The following CFAP70 variants were observed in gnomAD, a reference collection of about 807,000 sequenced individuals.
The protein encoded by CFAP70 is cilia- and flagella-associated protein 70.
Under a neutral mutation model 137.6 loss-of-function variants are expected in CFAP70, and 81 were observed. That is an observed-to-expected ratio of 0.59 (90% CI 0.49 to 0.71). CFAP70 has a LOEUF of 0.71. Among genes scored for constraint, CFAP70 ranks in the 30% least tolerant of loss-of-function variants. The pLI, the probability that CFAP70 is intolerant of heterozygous loss-of-function variation, is 0.00. For synonymous variants in CFAP70, 382 were observed against 423.6 expected, an observed-to-expected ratio of 0.90 and a Z score of 1.20; for missense variants, 976 against 1,226.7, an observed-to-expected ratio of 0.80 and a Z score of 3.05.
At position 73,256,902 on chromosome 10, in the gene CFAP70, CA is replaced by C. The variant is rs55805225; in HGVS notation, c.3028-487del. Among the ~76,000 whole-genome samples, 411 of 58,318 alleles carry C rather than the reference CA, an allele frequency of 7.0e-3. 1 individual carries two copies. The highest frequency in any genetic ancestry group is 0.014 in the African/African-American group (241 of 16,868). The allele number at this position is 58,318 out of a possible 152,430, so 38.3% of individuals were successfully genotyped here. On this transcript the variant is annotated intron_variant, in intron 25 of 26. Coordinates refer to ENST00000310715, the Ensembl canonical transcript of CFAP70. Reference sequence around the variant, plus strand: ...TGGGCAACAGAGTGAGACTCCATCTCAAAAAAAAAAAAAAAAAAAAAAAGGA... The same window carrying C: ...TGGGCAACAGAGTGAGACTCCATCTCAAAAAAAAAAAAAAAAAAAAAAGGA...
intron 24 of CFAP70, chr10:73,272,702 C>T: frequency 1.6e-6 from 1 of 614,766 alleles, no homozygotes; most frequent in Admixed American, 2.5e-5. Context: ...TATTATGTAG[C>T]TTCTTGGTTC....
chr10:73,288,940 AAGCAACC>A (rs1382620522), intron 19 of CFAP70, among the ~76,000 whole-genome samples: 3 of 152,220 alleles, frequency 2.0e-5, no homozygotes, highest in African/African-American at 7.2e-5. Flanking sequence ...TTTACCTGCA[AAGCAACC>A]AGCTGCATTC....
rs550478150 is a variant in CFAP70 at position 73,297,735 on chromosome 10, C to T, written c.1513-562G>A. ...TATAAACACAGCATGTTGCTATAGC[C>T]AGGACAGCTTCTCCTTTTTTCCCCA... is the stretch of plus-strand genomic sequence containing the variant. On this transcript the variant is annotated intron_variant, in intron 14 of 26. Coordinates refer to ENST00000310715, the Ensembl canonical transcript of CFAP70. Among the ~76,000 whole-genome samples the T allele has an allele frequency of 4.5e-4, 69 of 152,260 alleles. 1 individual carries two copies. In the Middle Eastern group the frequency reaches 0.01, roughly 23 times the overall value.
chr10:73,305,901 C>T (rs1027038285), intron 12 of CFAP70, among the ~76,000 whole-genome samples: 4 of 152,060 alleles, frequency 2.6e-5, no homozygotes, highest in African/African-American at 7.2e-5. Flanking sequence ...TTACTATACA[C>T]ACTCAAAAAG....
chr10:73,315,493 T>C (rs2050264288), intron 9 of CFAP70, among the ~76,000 whole-genome samples: 1 of 152,226 alleles, frequency 6.6e-6, no homozygotes, highest in African/African-American at 2.4e-5. Context: ...TTTTCTTTTC[T>C]CTTAGAAATT....
intron 7 of CFAP70, among the ~76,000 whole-genome samples, chr10:73,335,054 CTTCT>C (rs1396484977): frequency 7.2e-6 from 1 of 138,350 alleles, no homozygotes; most frequent in Admixed American, 7.1e-5. Flanking sequence ...CTAATTTCTT[CTTCT>C]TCTTTTTTTT....
chr10:73,327,209 G>C (rs2051542842), intron 8 of CFAP70, among the ~76,000 whole-genome samples: 1 of 149,796 alleles, frequency 6.7e-6, no homozygotes, highest in South Asian at 2.1e-4. Context: ...ATGTAATCCA[G>C]CATATAAACA....
At chr10:73,334,181 G>A (rs1471682768) in intron 7 of CFAP70, among the ~76,000 whole-genome samples, 3 of 152,132 alleles carry the variant, frequency 2.0e-5, no homozygotes, top group Admixed American at 6.6e-5. Context: ...CTGTGATGAA[G>A]ACTGATAGTT....
chr10:73,285,024 G>T (rs945335587), intron 19 of CFAP70, among the ~76,000 whole-genome samples: 2 of 151,550 alleles, frequency 1.3e-5, no homozygotes, highest in East Asian at 1.9e-4. Context: ...TCTTATAAAT[G>T]TGATTTCAGC....
chr10:73,319,907 C>A (rs1427520062), intron 9 of CFAP70, among the ~76,000 whole-genome samples: 1 of 152,150 alleles, frequency 6.6e-6, no homozygotes, highest in Admixed American at 6.5e-5. Context: ...GCCATTGACA[C>A]TTCTTTTGTG....
chr10:73,328,527 G>T (rs1186590748), intron 8 of CFAP70, among the ~76,000 whole-genome samples: 4 of 148,236 alleles, frequency 2.7e-5, no homozygotes, highest in Admixed American at 6.7e-5. Context: ...CACAGCAAAA[G>T]AAACTACCAT....
At chr10:73,273,680 G>A (rs1026582982) in intron 23 of CFAP70, among the ~76,000 whole-genome samples, 2 of 152,302 alleles carry the variant, frequency 1.3e-5, no homozygotes, top group Admixed American at 1.3e-4. Context: ...ACTACAGTGG[G>A]ATAGGGATTT....
intron 7 of CFAP70, among the ~76,000 whole-genome samples, chr10:73,334,603 T>TG (rs1207485295): frequency 6.6e-6 from 1 of 150,532 alleles, no homozygotes; most frequent in Non-Finnish European, 1.5e-5. Flanking sequence ...TTTTTTGAGA[T>TG]GGAGTCTCAC....
intron 16 of CFAP70, among the ~76,000 whole-genome samples, chr10:73,292,447 T>C (rs1269180688): frequency 1.3e-5 from 2 of 152,106 alleles, no homozygotes; most frequent in African/African-American, 4.8e-5. Flanking sequence ...TAGAAAGACA[T>C]AAATAAATGG....
chr10:73,345,395 T>A (rs1249770274), intron 4 of CFAP70, 151 bp from the exon 6 acceptor site: 2 of 721,946 alleles, frequency 2.8e-6, no homozygotes, highest in Non-Finnish European at 4.5e-6. Flanking sequence ...CTAAGTCCCA[T>A]GAGTTGGAGA....
At chr10:73,324,676 C>T (rs1160762739) in intron 8 of CFAP70, among the ~76,000 whole-genome samples, 1 of 152,092 alleles carries the variant, frequency 6.6e-6, no homozygotes, top group African/African-American at 2.4e-5. Context: ...GGCTCGAGAA[C>T]TACGTGAAGA....
chr10:73,289,657 A>G (rs1250048221), intron 19 of CFAP70, among the ~76,000 whole-genome samples: 3 of 152,204 alleles, frequency 2.0e-5, no homozygotes, highest in Non-Finnish European at 4.4e-5. Context: ...AGATTATGTT[A>G]GGCCTTTGTC....
chr10:73,353,487 C>A (rs1192650511), intron 3 of CFAP70, 69 bp downstream of exon 3: 4 of 1,371,418 alleles, frequency 2.9e-6, no homozygotes, highest in Non-Finnish European at 4.1e-6. Flanking sequence ...TTTGGTTGTG[C>A]TTTTCCCATC....
At chr10:73,352,832 T>C (rs2054380563) in intron 3 of CFAP70, among the ~76,000 whole-genome samples, 1 of 152,250 alleles carries the variant, frequency 6.6e-6, no homozygotes, top group Admixed American at 6.5e-5. Context: ...GGTGTTTTAC[T>C]GTTGATCTCT....
Sources: allele counts gnomAD v4.1 joint callset (sites outside exome capture counted in the v4.1 genomes callset), GRCh38; gene constraint gnomAD v4.1.1; transcripts MANE v1.5; gene names NCBI Gene and HGNC (gene_info 2026-07-23, HGNC 2026-07-21).